The following SH3TC2 variants were observed in gnomAD, a reference collection of about 807,000 sequenced individuals.
SH3TC2 encodes SH3 domain and tetratricopeptide repeats 2, also known as SH3 domain and tetratricopeptide repeat-containing protein 2.
A neutral mutation model predicts 124.5 loss-of-function variants in SH3TC2; 87 were observed. The observed-to-expected ratio is 0.70, with a 90% CI of 0.59 to 0.84. The LOEUF (loss-of-function observed/expected upper bound fraction) is 0.84, where lower values mean the gene tolerates loss of function less well. SH3TC2 is among the 40% of genes least tolerant of loss of function. SH3TC2 has a pLI of 0.00. For synonymous variants in SH3TC2, 634 were observed against 628.5 expected (o/e 1.01, Z -0.13); for missense variants, 1,536 against 1,566.4 (o/e 0.98, Z 0.33).
rs1186201902 is a variant in SH3TC2 at position 148,999,532 on chromosome 5, G to T, written c.*5179C>A. On this transcript the variant is annotated 3_prime_UTR_variant, in exon 17 of 17. Coordinates refer to ENST00000515425, the MANE Select transcript of SH3TC2 (RefSeq NM_024577.4). ...CACATCTCAATGGGAGCAATTAAAA[G>T]AGGAAAAGAGACCAAAACTGACAAG... 6.6e-6 allele frequency among the ~76,000 whole-genome samples: 1 copy of T among 152,138 alleles called. No homozygotes were observed. Among genetic ancestry groups the T allele is most frequent in the Non-Finnish European group, 1.5e-5 (1 of 68,044 alleles).
chr5:148,989,967 T>A lies in SH3TC2; in HGVS notation c.*14744A>T, dbSNP rs1486360266. Among the ~76,000 whole-genome samples the A allele has an allele frequency of 6.6e-6, 1 of 152,100 alleles. No individual in the cohort carries two copies. The highest frequency in any genetic ancestry group is 2.1e-4 in the South Asian group (1 of 4,828). ...ACAAGTGTGTGCATGTTTGTGTGTA[T>A]GTGTGTGTGTTTGATGGGGTGGGGG... On this transcript the variant is annotated 3_prime_UTR_variant, in exon 17 of 17. Transcript: ENST00000515425.
chr5:149,014,563 G>A (rs1471940460), intron 12 of SH3TC2, among the ~76,000 whole-genome samples: 1 of 152,146 alleles, frequency 6.6e-6, no homozygotes, highest in East Asian at 1.9e-4. Flanking sequence ...CCAGGCATTT[G>A]GCCCTTGTAA....
At chr5:149,046,653 G>A (rs1376634610) in intron 3 of SH3TC2, 2 of 152,150 alleles carry the variant, frequency 1.3e-5, no homozygotes, top group African/African-American at 4.8e-5. Flanking sequence ...TTCAGATCTA[G>A]CTGACTCCAG....
rs1479888591 is a variant in SH3TC2, at chr5:148,992,005, T to C, written c.*12706A>G. Among the ~76,000 whole-genome samples the C allele has an allele frequency of 1.3e-5, 2 of 152,206 alleles. No homozygotes were observed. Among genetic ancestry groups the C allele is most frequent in the African/African-American group, 4.8e-5 (2 of 41,442 alleles). ...AAGGCTTTCCCTTTTCTGGTTCACT[T>C]TTCATATAATAACAACAGAGCTGAG... On this transcript the variant is annotated 3_prime_UTR_variant, in exon 17 of 17. Coordinates refer to ENST00000515425, the MANE Select transcript of SH3TC2 (RefSeq NM_024577.4).
chr5:149,014,417 T>G (rs1753835997), intron 12 of SH3TC2, among the ~76,000 whole-genome samples: 1 of 152,192 alleles, frequency 6.6e-6, no homozygotes, highest in African/African-American at 2.4e-5. Context: ...TCAACAAACG[T>G]GGTTACCACT....
At chr5:149,061,883 C>G (rs888088683) in intron 1 of SH3TC2, among the ~76,000 whole-genome samples, 1 of 152,022 alleles carries the variant, frequency 6.6e-6, no homozygotes, top group African/African-American at 2.4e-5. Flanking sequence ...TAAAGTCGTG[C>G]CTTTTGTGCC....
chr5:149,020,768 T>C (rs1178466300), intron 12 of SH3TC2, among the ~76,000 whole-genome samples: 1 of 152,146 alleles, frequency 6.6e-6, no homozygotes, highest in Non-Finnish European at 1.5e-5. Context: ...ATTATAAATA[T>C]ATATGCAGCA....
At position 149,012,647 on chromosome 5, in the gene SH3TC2, C is replaced by A. The variant is rs753946805; in HGVS notation, c.3141G>T (p.Trp1047Cys). The change falls in exon 13 of 17, where the codon TGG (tryptophan) becomes TGT (cysteine). Residue 1047 changes from tryptophan to cysteine, a missense_variant. Physicochemically the swap from Trp to Cys is radical, Grantham distance 215 (BLOSUM62 -2). This residue lies in a region of SH3TC2 where 426 missense variants were observed against 443.5 expected (regional missense o/e 0.96). Transcript: ENST00000515425. The part of the protein sequence containing the change: ...LGETDKAAEA[W>C]LGAGRLHYLM... ...GGTAGTGGAGTCGCCCCGCCCCAAG[C>A]CAGGCCTCAGCAGCCTTGTCTGTCT... 1 of 1,614,170 alleles carries A rather than the reference C, an allele frequency of 6.2e-7. No individual in the cohort carries two copies. The highest frequency in any genetic ancestry group is 2.2e-5 in the East Asian group (1 of 44,874).
intron 15 of SH3TC2, 105 bp from the exon 16 acceptor site, chr5:149,007,182 G>T: frequency 9.7e-7 from 1 of 1,036,232 alleles, no homozygotes. Flanking sequence ...AGATGTCAGG[G>T]ACTGTGCTGG....
At chr5:149,009,140 G>T in intron 14 of SH3TC2, 139 bp from the exon 15 acceptor site, 1 of 997,144 alleles carries the variant, frequency 1.0e-6, no homozygotes, top group Non-Finnish European at 1.6e-6. Flanking sequence ...ATGTTTCCCT[G>T]TGTGCCTTTA....
chr5:149,058,610 T>A (rs982199869), intron 1 of SH3TC2, among the ~76,000 whole-genome samples: 1 of 152,062 alleles, frequency 6.6e-6, no homozygotes, highest in African/African-American at 2.4e-5. Context: ...ACTCCCCAGT[T>A]GATGGCTTGC....
Position 149,042,807 on chromosome 5 carries a change from A to G in SH3TC2, c.416T>C (p.Leu139Pro). The G allele has an allele frequency of 1.9e-6, 3 of 1,614,170 alleles. No homozygotes were observed. The highest frequency in any genetic ancestry group is 2.5e-6 in the Non-Finnish European group (3 of 1,180,034). The change falls in exon 5 of 17, where the codon CTC (leucine) becomes CCC (proline). Residue 139 changes from leucine to proline, a missense_variant. Physicochemically the swap from Leu to Pro is moderately conservative, Grantham distance 98. This residue lies in a region of SH3TC2 where 1,102 missense variants were observed against 1,098.6 expected (regional missense o/e 1.00). Transcript: ENST00000515425. The stretch of plus-strand genomic sequence containing the variant: ...GTTGAGCCAGTACTTGTGGTCAAAG[A>G]GGAGATGTTCTAGACACATGGATAC... ...GYVSMCLEHL[L>P]FDHKYWLNCI...
At chr5:149,048,998 A>C (rs1009256691) in intron 2 of SH3TC2, among the ~76,000 whole-genome samples, 2 of 152,234 alleles carry the variant, frequency 1.3e-5, no homozygotes, top group African/African-American at 4.8e-5. Context: ...TCAACTTGCC[A>C]GGACCTCTGC....
Position 148,992,600 on chromosome 5 carries a change from G to GTT in SH3TC2, c.*12109_*12110dup, listed in dbSNP as rs35182601. Among the ~76,000 whole-genome samples the GTT allele has an allele frequency of 0.14, 14,713 of 102,048 alleles. 1,334 individuals carry two copies. Among genetic ancestry groups the GTT allele is most frequent in the Non-Finnish European group, 0.19 (9,998 of 53,468 alleles). 66.9% of individuals were successfully genotyped at this position (102,048 alleles called of 152,430 possible). ...ATAATTCCAAGAAGAGATTTCATTGGTTTTTTTTTTTTTTTTTTTTTTCAG... is the reference window on the plus strand; with the variant it reads ...ATAATTCCAAGAAGAGATTTCATTGGTTTTTTTTTTTTTTTTTTTTTTTTCAG... On this transcript the variant is annotated 3_prime_UTR_variant, in exon 17 of 17. Transcript: ENST00000515425.
intron 4 of SH3TC2, chr5:149,044,015 CAT>C: frequency 6.3e-6 from 1 of 158,692 alleles, no homozygotes; most frequent in Non-Finnish European, 1.4e-5. Flanking sequence ...ACTGACGCTG[CAT>C]CCCAATGTCC....
intron 1 of SH3TC2, among the ~76,000 whole-genome samples, chr5:149,058,017 C>T (rs1386544974): frequency 5.9e-5 from 9 of 152,048 alleles, no homozygotes; most frequent in African/African-American, 1.9e-4. Flanking sequence ...AGCTGTGGCA[C>T]CCACCACAAG....
In SH3TC2 at chr5:149,047,882, C is replaced by G. The variant is rs947749200; in HGVS notation, c.259G>C (p.Glu87Gln). The change falls in exon 3 of 17, where the codon GAG becomes CAG. Residue 87 changes from glutamate to glutamine, a missense_variant. Physicochemically the swap from Glu to Gln is conservative, Grantham distance 29 (BLOSUM62 2). Transcript: ENST00000515425. ...RLWALENEDQ[E>Q]VRMLFKDLSA... is the part of the protein sequence containing the mutation. ...CTCACCTTAAACAGCATGCGCACCTCCTGGTCCTCATTCTCCAGTGCCCAG... is the reference window on the plus strand; with the variant it reads ...CTCACCTTAAACAGCATGCGCACCTGCTGGTCCTCATTCTCCAGTGCCCAG... 26 of 1,614,046 alleles carry G rather than the reference C, an allele frequency of 1.6e-5. No homozygotes were observed. The Admixed American group carries it at 3.5e-4, about 22-fold the overall frequency.
In SH3TC2 at chr5:149,027,242, C is replaced by T; in HGVS notation, c.2490G>A (p.Glu830=). 6.2e-7 allele frequency: 1 copy of T among 1,614,218 alleles called. No individual in the cohort carries two copies. Among genetic ancestry groups the T allele is most frequent in the East Asian group, 2.2e-5 (1 of 44,886 alleles). The change falls in exon 11 of 17, where the codon GAG becomes GAA. Residue 830 remains glutamate, a synonymous_variant. Coordinates refer to ENST00000515425, the MANE Select transcript of SH3TC2 (RefSeq NM_024577.4). The part of the protein sequence containing the change: ...EPLLCSLKET[E]SLTQRGVIYN... ...AGATGACTCCCCTTTGAGTGAGACT[C>T]TCTGTCTCCTTCAGGGAGCATAGCA... is the stretch of plus-strand genomic sequence containing the variant.
chr5:149,047,724 T>G lies in SH3TC2; in HGVS notation c.279+138A>C, dbSNP rs573478785. The G allele has an allele frequency of 4.6e-5, 53 of 1,144,642 alleles. No individual in the cohort carries two copies. The Admixed American group carries it at 7.0e-4, about 15-fold the overall frequency. The allele number at this position is 1,144,642 out of a possible 1,614,324, so 70.9% of individuals were successfully genotyped here. On this transcript the variant is annotated intron_variant, in intron 3 of 16. Transcript: ENST00000515425. ...CTGTGCAGAGAATGTGCACGGAATC[T>G]TTCATTCATTCAGTCTACCTATTAG...
Sources: allele counts gnomAD v4.1 joint callset (sites outside exome capture counted in the v4.1 genomes callset), GRCh38; gene constraint gnomAD v4.1.1; regional missense constraint gnomAD v4.1.1; transcripts MANE v1.5; gene names NCBI Gene and HGNC (gene_info 2026-07-23, HGNC 2026-07-21).